Variants in CALN1 observed in about 807,000 individuals in gnomAD.
CALN1 encodes calneuron 1.
CALN1 carries 17 observed loss-of-function variants against 30.6 expected under a neutral mutation model. The ratio of observed to expected loss-of-function variants is 0.56; its 90% CI spans 0.38 to 0.83. The LOEUF is 0.83. Ranked by LOEUF, CALN1 falls within the 40% of genes least tolerant of loss-of-function variation. The pLI, the probability that CALN1 is intolerant of heterozygous loss-of-function variation, is 0.00. For synonymous variants in CALN1, 156 were observed against 131.4 expected, an observed-to-expected ratio of 1.19 and a Z score of -1.28; for missense variants, 291 against 354.9, an observed-to-expected ratio of 0.82 and a Z score of 1.45.
At position 72,273,351 on chromosome 7, in the gene CALN1, G is replaced by A. The variant is rs572499788; in HGVS notation, c.244+5335C>T. 2.8e-3 allele frequency among the ~76,000 whole-genome samples: 422 copies of A among 150,300 alleles called. 1 individual carries two copies. The highest frequency in any genetic ancestry group is 8.6e-3 in the African/African-American group (350 of 40,886). On this transcript the variant is annotated intron_variant, in intron 3 of 6. Coordinates refer to ENST00000395275, the MANE Select transcript of CALN1 (RefSeq NM_031468.4). ...GCAGGAGAATCACTTGAACCCAGGAGGCAGACGTTGCAGTGAGCCAAGATT... is the reference window on the plus strand; with the variant it reads ...GCAGGAGAATCACTTGAACCCAGGAAGCAGACGTTGCAGTGAGCCAAGATT...
chr7:71,823,859 G>A (rs879650842), intron 5 of CALN1, among the ~76,000 whole-genome samples: 1 of 152,136 alleles, frequency 6.6e-6, no homozygotes, highest in Non-Finnish European at 1.5e-5. Context: ...AAGAACAAAG[G>A]GACTTCTTAT....
intron 3 of CALN1, among the ~76,000 whole-genome samples, chr7:72,200,658 C>T (rs760461943): frequency 7.3e-5 from 11 of 151,524 alleles, no homozygotes; most frequent in South Asian, 6.3e-4. Context: ...CTGGGGGATG[C>T]GGTCTCCATG....
chr7:71,835,344 C>T (rs1266559468), intron 5 of CALN1, among the ~76,000 whole-genome samples: 1 of 152,222 alleles, frequency 6.6e-6, no homozygotes, highest in Non-Finnish European at 1.5e-5. Flanking sequence ...GGAATTACAA[C>T]CCTCTGTTTT....
chr7:72,487,947 AAGGAAGGAAAGG>A, the CALN1 span, among the ~76,000 whole-genome samples: 1,352 of 63,126 alleles, frequency 0.021, 85 homozygotes, highest in East Asian at 0.28. Context: ...GGAAGGAAGG[AAGGAAGGAAAGG>A]AAGGAAGGAA....
chr7:71,837,482 G>T (rs531987575), intron 5 of CALN1, among the ~76,000 whole-genome samples: 1 of 152,226 alleles, frequency 6.6e-6, no homozygotes, highest in African/African-American at 2.4e-5. Flanking sequence ...GAGATTCCAG[G>T]ACACAATGGA....
At chr7:72,292,171 C>T (rs1439162946) in intron 2 of CALN1, among the ~76,000 whole-genome samples, 1 of 151,866 alleles carries the variant, frequency 6.6e-6, no homozygotes, top group African/African-American at 2.4e-5. Context: ...TTGCACCAAC[C>T]CAATATAACA....
chr7:71,865,521 G>C (rs1355867894), intron 5 of CALN1, among the ~76,000 whole-genome samples: 1 of 152,210 alleles, frequency 6.6e-6, no homozygotes, highest in Non-Finnish European at 1.5e-5. Context: ...ATAGCAATGT[G>C]AGAACAGACT....
At chr7:72,434,721 G>A (rs533055618) in intron 1 of CALN1, among the ~76,000 whole-genome samples, 39 of 152,290 alleles carry the variant, frequency 2.6e-4, no homozygotes, top group Admixed American at 7.2e-4. Context: ...GAAGGACTAA[G>A]GACTAAAAGC....
chr7:71,953,547 C>G (rs78189750), intron 5 of CALN1, among the ~76,000 whole-genome samples: 1 of 152,146 alleles, frequency 6.6e-6, no homozygotes, highest in African/African-American at 2.4e-5. Flanking sequence ...TACATATTCT[C>G]TTTCTGGTGT....
intron 4 of CALN1, among the ~76,000 whole-genome samples, chr7:72,028,765 T>C (rs1801253607): frequency 6.6e-6 from 1 of 152,100 alleles, no homozygotes. Flanking sequence ...CCGAGATGGG[T>C]GGGTCACTTG....
intron 4 of CALN1, among the ~76,000 whole-genome samples, chr7:72,054,440 T>TATATACATATATACAC (rs1464862351): frequency 2.7e-4 from 21 of 77,840 alleles, no homozygotes; most frequent in Non-Finnish European, 5.9e-4. Context: ...CACGTATATA[T>TATATACATATATACAC]ATATATACAT....
At chr7:71,894,530 C>A (rs1188500595) in intron 5 of CALN1, among the ~76,000 whole-genome samples, 1 of 152,188 alleles carries the variant, frequency 6.6e-6, no homozygotes, top group African/African-American at 2.4e-5. Context: ...CTCGACCTCC[C>A]AGAGTGGTGG....
intron 4 of CALN1, among the ~76,000 whole-genome samples, chr7:72,048,285 C>T (rs1272316979): frequency 9.2e-5 from 14 of 152,096 alleles, no homozygotes; most frequent in South Asian, 2.1e-4. Context: ...GTGATCCACC[C>T]GCCTCGGCCT....
At chr7:71,797,193 G>A (rs1471092233) in intron 6 of CALN1, among the ~76,000 whole-genome samples, 3 of 152,124 alleles carry the variant, frequency 2.0e-5, no homozygotes, top group African/African-American at 7.2e-5. Flanking sequence ...TCAGAGCCAC[G>A]AAAATTCTGA....
At chr7:72,451,188 G>GAGAAGAAGAAGAAGAAGAAGAAGA (rs758368072), upstream of CALN1, among the ~76,000 whole-genome samples, 2 of 125,116 alleles carry the variant, frequency 1.6e-5, no homozygotes, top group African/African-American at 7.9e-5. Flanking sequence ...GCAGGAGGAG[G>GAGAAGAAGAAGAAGAAGAAGAAGA]AGAAGAAGAA....
rs574421421 is a variant in CALN1 at position 72,401,940 on chromosome 7, T to C, written c.119+1311A>G. Among the ~76,000 whole-genome samples, 5 of 152,310 alleles carry C rather than the reference T, an allele frequency of 3.3e-5. No homozygotes were observed. The South Asian group carries it at 1.0e-3, about 32-fold the overall frequency. ...TTTCCAGGGGAAGTGTTCAACATCCTTTCATTTATCCTAGGCTGGTAAAAG... is the reference window on the plus strand; with the variant it reads ...TTTCCAGGGGAAGTGTTCAACATCCCTTCATTTATCCTAGGCTGGTAAAAG... On this transcript the variant is annotated intron_variant, in intron 2 of 6. Transcript: ENST00000395275.
intron 5 of CALN1, among the ~76,000 whole-genome samples, chr7:71,877,616 G>A (rs1005184335): frequency 3.3e-5 from 5 of 150,968 alleles, no homozygotes; most frequent in South Asian, 2.1e-4. Flanking sequence ...TACATTTGGC[G>A]AGAAAGTCAG....
chr7:71,781,792 G>A lies in CALN1; in HGVS notation c.*5983C>T, dbSNP rs1460566701. 6.6e-6 allele frequency: 1 copy of A among 152,188 alleles called. No individual in the cohort carries two copies. The highest frequency in any genetic ancestry group is 1.5e-5 in the Non-Finnish European group (1 of 68,048). The allele number at this position is 152,188 out of a possible 1,614,324, so 9.4% of individuals were successfully genotyped here. A position where few individuals can be genotyped will look rare whatever the true frequency, so the allele number is the denominator to read the frequency against. On this transcript the variant is annotated 3_prime_UTR_variant, in exon 7 of 7. Transcript: ENST00000395275. ...GATGGGTGAGTCTATGCCCGGCATG[G>A]GGGTTGTGCTCAACTGATGAACTAC...
intron 5 of CALN1, among the ~76,000 whole-genome samples, chr7:71,938,494 G>T (rs1795959928): frequency 6.6e-6 from 1 of 151,976 alleles, no homozygotes; most frequent in South Asian, 2.1e-4. Context: ...ACTGAGAGGA[G>T]CATTATAAAA....
Sources: gnomAD v4.1 joint callset for allele counts (sites outside exome capture counted in the v4.1 genomes callset) on GRCh38, gnomAD v4.1.1 for gene constraint, MANE v1.5 for transcripts, NCBI Gene and HGNC (gene_info 2026-07-23, HGNC 2026-07-21) for gene names.